Variants in GALNT1 observed in about 807,000 individuals in gnomAD.
GALNT1 encodes GalNAc transferase 1.
Under a neutral mutation model 65.7 loss-of-function variants are expected in GALNT1, and 17 were observed. That is an observed-to-expected ratio of 0.26 (90% CI 0.18 to 0.39). GALNT1 has a LOEUF of 0.39. GALNT1 is among the 10% of genes least tolerant of loss of function. The probability of loss-of-function intolerance (pLI) is 1.00; values close to 1 mark genes in which losing one functional copy is unlikely to be tolerated. For missense variants in GALNT1, 460 were observed against 672.8 expected, an observed-to-expected ratio of 0.68 and a Z score of 3.50; for synonymous variants, 210 against 219.7, an observed-to-expected ratio of 0.96 and a Z score of 0.39.
chr18:35,607,932 TG>T (rs1403911962), intron 1 of GALNT1, among the ~76,000 whole-genome samples: 5 of 152,146 alleles, frequency 3.3e-5, no homozygotes, highest in African/African-American at 9.7e-5. Flanking sequence ...ACATGAATAT[TG>T]GGGGATGTCT....
chr18:35,583,165 A>G (rs775063059), intron 1 of GALNT1, among the ~76,000 whole-genome samples: 6 of 152,216 alleles, frequency 3.9e-5, no homozygotes, highest in Non-Finnish European at 8.8e-5. Context: ...GGATGTTTCC[A>G]TGGTACTCCG....
chr18:35,689,025 A>G (rs2047913220), intron 6 of GALNT1, 148 bp from the exon 7 acceptor site: 2 of 626,006 alleles, frequency 3.2e-6, no homozygotes. Context: ...AAACACAGAA[A>G]GCCCCTGGGG....
At chr18:35,645,871 G>A (rs1352622598) in intron 1 of GALNT1, among the ~76,000 whole-genome samples, 1 of 152,090 alleles carries the variant, frequency 6.6e-6, no homozygotes, top group Admixed American at 6.5e-5. Context: ...GTTCTAGTTT[G>A]CTGTTGAAGT....
intron 1 of GALNT1, among the ~76,000 whole-genome samples, chr18:35,619,053 A>G (rs1282138935): frequency 6.6e-6 from 1 of 152,214 alleles, no homozygotes. Context: ...AAAAACCGAT[A>G]TGCCAAATTA....
intron 9 of GALNT1, among the ~76,000 whole-genome samples, chr18:35,697,851 A>G (rs1192840073): frequency 6.6e-6 from 1 of 152,226 alleles, no homozygotes; most frequent in Non-Finnish European, 1.5e-5. Flanking sequence ...GGCTTGATTC[A>G]GTGGCGTGCC....
intron 1 of GALNT1, among the ~76,000 whole-genome samples, chr18:35,645,476 G>A (rs577477245): frequency 3.9e-5 from 6 of 151,934 alleles, no homozygotes; most frequent in East Asian, 1.9e-4. Context: ...CTCCTGATCC[G>A]CCCGTGGCCT....
At chr18:35,686,903 C>A in intron 5 of GALNT1, 113 bp from the exon 6 acceptor site, 1 of 1,016,548 alleles carries the variant, frequency 9.8e-7, no homozygotes. Flanking sequence ...GTAGTGATAC[C>A]CTGTTTCAAG....
At chr18:35,610,103 A>C (rs1450032369) in intron 1 of GALNT1, among the ~76,000 whole-genome samples, 1 of 152,218 alleles carries the variant, frequency 6.6e-6, no homozygotes, top group Non-Finnish European at 1.5e-5. Context: ...TAGACAGAGA[A>C]AGCAACACCT....
chr18:35,586,536 G>T (rs927659990), intron 1 of GALNT1, among the ~76,000 whole-genome samples: 1 of 149,126 alleles, frequency 6.7e-6, no homozygotes, highest in Non-Finnish European at 1.5e-5. Context: ...TTTCCCTTGT[G>T]CTTTTTTTCC....
At chr18:35,608,275 CA>C (rs1182364194) in intron 1 of GALNT1, among the ~76,000 whole-genome samples, 1 of 152,010 alleles carries the variant, frequency 6.6e-6, no homozygotes, top group African/African-American at 2.4e-5. Context: ...TGTAGAAATG[CA>C]ATTGATTAGA....
intron 4 of GALNT1, among the ~76,000 whole-genome samples, chr18:35,679,968 C>G (rs2144589845): frequency 6.6e-6 from 1 of 152,306 alleles, no homozygotes; most frequent in South Asian, 2.1e-4. Flanking sequence ...CCCCTCCCAT[C>G]TGTTCACCAT....
intron 11 of GALNT1, among the ~76,000 whole-genome samples, chr18:35,704,010 GT>G (rs1405251023): frequency 6.6e-6 from 1 of 152,164 alleles, no homozygotes; most frequent in Non-Finnish European, 1.5e-5. Context: ...AATTAATAAA[GT>G]TCTCTGGCTT....
Position 35,662,857 on chromosome 18 carries a change from G to A in GALNT1, c.140-771G>A, listed in dbSNP as rs2047496779. Among the ~76,000 whole-genome samples the A allele has an allele frequency of 2.0e-5, 3 of 152,132 alleles. No homozygotes were observed. In the South Asian group the frequency reaches 6.2e-4, roughly 31 times the overall value. On this transcript the variant is annotated intron_variant, in intron 2 of 11. Coordinates refer to ENST00000269195, the MANE Select transcript of GALNT1 (RefSeq NM_020474.4). Reference sequence around the variant, plus strand: ...ACATAAGGAAGAAAGTTTGGGAAGTGCTGATCAGGCACATTGCTCTTTTTA... The same window carrying A: ...ACATAAGGAAGAAAGTTTGGGAAGTACTGATCAGGCACATTGCTCTTTTTA...
In GALNT1 at chr18:35,703,413, CTTGAAATACTTGTATT is replaced by C. The variant is rs1229370089; in HGVS notation, c.1399-93_1399-78del. On this transcript the variant is annotated intron_variant, in intron 10 of 11. Transcript: ENST00000269195. ...TTAATAAAGTACATAAATCATGTACCTTGAAATACTTGTATTTTCCCTGACAGCTAATTGGGCATTT... is the reference window on the plus strand; with the variant it reads ...TTAATAAAGTACATAAATCATGTACCTTCCCTGACAGCTAATTGGGCATTT... 7.0e-6 allele frequency: 8 copies of C among 1,146,242 alleles called. No homozygotes were observed. The East Asian group carries it at 1.9e-4, about 28-fold the overall frequency. 71.0% of individuals were successfully genotyped at this position (1,146,242 alleles called of 1,614,324 possible). A position where few individuals can be genotyped will look rare whatever the true frequency, so the allele number is the denominator to read the frequency against.
chr18:35,608,181 T>C (rs1206812488), intron 1 of GALNT1, among the ~76,000 whole-genome samples: 1 of 152,158 alleles, frequency 6.6e-6, no homozygotes, highest in Non-Finnish European at 1.5e-5. Context: ...GTCTTACTGC[T>C]AAGTTTATTC....
intron 1 of GALNT1, among the ~76,000 whole-genome samples, chr18:35,644,001 T>C (rs2047198738): frequency 6.6e-6 from 1 of 152,214 alleles, no homozygotes; most frequent in African/African-American, 2.4e-5. Context: ...GAAGTCAGTT[T>C]GTCATCTTAA....
chr18:35,603,165 A>G (rs1224209112), intron 1 of GALNT1, among the ~76,000 whole-genome samples: 2 of 152,086 alleles, frequency 1.3e-5, no homozygotes, highest in East Asian at 1.9e-4. Flanking sequence ...TTCTCCTTAC[A>G]AGCTTCTTGT....
intron 1 of GALNT1, among the ~76,000 whole-genome samples, chr18:35,621,647 T>C (rs2046854461): frequency 6.6e-6 from 1 of 152,232 alleles, no homozygotes. Context: ...TAGTAGAAAT[T>C]ATTCATTCTT....
chr18:35,681,057 T>A (rs1240786604), intron 4 of GALNT1, among the ~76,000 whole-genome samples: 2 of 152,152 alleles, frequency 1.3e-5, no homozygotes, highest in Non-Finnish European at 2.9e-5. Flanking sequence ...TCTGAATTCT[T>A]TATTCTTCCC....
Sources: allele counts gnomAD v4.1 joint callset (sites outside exome capture counted in the v4.1 genomes callset), GRCh38; gene constraint gnomAD v4.1.1; transcripts MANE v1.5; gene names NCBI Gene and HGNC (gene_info 2026-07-23, HGNC 2026-07-21).